NLRP14: variants seen among roughly 807,000 people sequenced by gnomAD.
NLRP14 encodes NLR family pyrin domain containing 14.
In NLRP14, 105 loss-of-function variants were observed where a neutral mutation model predicts 94.7. The ratio of observed to expected loss-of-function variants is 1.11; its 90% CI spans 0.95 to 1.30. NLRP14 has a LOEUF of 1.30. NLRP14 is among the 50% of genes most tolerant of loss of function. The probability of loss-of-function intolerance (pLI) is 0.00; values close to 1 mark genes in which losing one functional copy is unlikely to be tolerated. For missense variants in NLRP14, 1,362 were observed against 1,254.1 expected (o/e 1.09, Z -1.30); for synonymous variants, 508 against 459.9 (o/e 1.10, Z -1.34).
In NLRP14 at chr11:7,043,877, A is replaced by G. The variant is rs530254505; in HGVS notation, c.1851A>G (p.Val617=). 1 of 1,614,188 alleles carries G rather than the reference A, an allele frequency of 6.2e-7. No individual in the cohort carries two copies. The highest frequency in any genetic ancestry group is 1.7e-5 in the Admixed American group (1 of 60,026). ...TTTGTGAGAAAATACATTTGCTTGT[A>G]TCTTCTTTCTGCCTTAAGCACTGCC... The part of the protein sequence containing the change: ...INICEKIHLL[V]SSFCLKHCRC... Residue 617 remains valine, a synonymous_variant, in exon 4 of 12, where the codon GTA becomes GTG. Transcript: ENST00000299481.
intron 4 of NLRP14, among the ~76,000 whole-genome samples, chr11:7,046,391 C>A (rs1209018674): frequency 6.6e-6 from 1 of 152,010 alleles, no homozygotes; most frequent in Non-Finnish European, 1.5e-5. Flanking sequence ...TCTCTCTTAT[C>A]CCTCCTGAGT....
In NLRP14 at chr11:7,037,269, TAAAC is replaced by T. The variant is rs562161800; in HGVS notation, c.-21-1290_-21-1287del. On this transcript the variant is annotated intron_variant, in intron 1 of 11. Transcript: ENST00000299481. ...ATCTAGAATATTTTTACCATGTAGT[TAAAC>T]AAACAACCTTAAAACAGCTGATAGC... is the stretch of plus-strand genomic sequence containing the variant. Among the ~76,000 whole-genome samples the T allele has an allele frequency of 2.6e-3, 402 of 152,344 alleles. 1 individual carries two copies. The highest frequency in any genetic ancestry group is 0.015 in the South Asian group (73 of 4,826).
At chr11:7,088,922 T>G in the NLRP14 span, 1 of 624,360 alleles carries the variant, frequency 1.6e-6, no homozygotes, top group South Asian at 2.0e-5. Context: ...GACGGCGAAT[T>G]GGCCCTCTGG....
At chr11:7,023,592 A>C (rs1416062900) in intron 1 of NLRP14, among the ~76,000 whole-genome samples, 2 of 149,806 alleles carry the variant, frequency 1.3e-5, no homozygotes, top group Non-Finnish European at 3.0e-5. Flanking sequence ...GCTAAAGTGC[A>C]GAGAAGAAAG....
chr11:7,064,962 C>A (rs1852683181), intron 10 of NLRP14, among the ~76,000 whole-genome samples: 1 of 151,800 alleles, frequency 6.6e-6, no homozygotes, highest in Non-Finnish European at 1.5e-5. Flanking sequence ...TTTGTAATTC[C>A]CAGTTCTAAC....
chr11:7,032,159 A>G (rs1026289469), intron 1 of NLRP14, among the ~76,000 whole-genome samples: 1 of 152,216 alleles, frequency 6.6e-6, no homozygotes, highest in Non-Finnish European at 1.5e-5. Flanking sequence ...GATAATTGTC[A>G]AAAATTGTCC....
Position 7,023,566 on chromosome 11 carries a change from A to G in NLRP14, c.-22+2796A>G, listed in dbSNP as rs557134537. Among the ~76,000 whole-genome samples, 5 of 147,936 alleles carry G rather than the reference A, an allele frequency of 3.4e-5. No individual in the cohort carries two copies. In the South Asian group the frequency reaches 1.0e-3, roughly 31 times the overall value. Reference sequence around the variant, plus strand: ...ATTAATATATTTTATTTATATTTATATATAAAAATCTCCAAGCTAAAGTGC... The same window carrying G: ...ATTAATATATTTTATTTATATTTATGTATAAAAATCTCCAAGCTAAAGTGC... On this transcript the variant is annotated intron_variant, in intron 1 of 11. Transcript: ENST00000299481.
At position 7,042,399 on chromosome 11, in the gene NLRP14, G is replaced by C. The variant is rs754647205; in HGVS notation, c.373G>C (p.Glu125Gln). 6.2e-7 allele frequency: 1 copy of C among 1,613,594 alleles called. No homozygotes were observed. The highest frequency in any genetic ancestry group is 2.2e-5 in the East Asian group (1 of 44,882). Residue 125 changes from glutamate to glutamine, a missense_variant, in exon 4 of 12, where the codon GAA becomes CAA. Physicochemically the swap from Glu to Gln is conservative, Grantham distance 29. Transcript: ENST00000299481. ...CCATTCTGACTTAGGTGATGGAACA[G>C]AATACAGAAATAGAATAAAGGAAAA... ...DQEAVLGDGT[E>Q]YRNRIKEKFC...
At chr11:7,057,013 A>G (rs1181800909) in intron 6 of NLRP14, among the ~76,000 whole-genome samples, 3 of 151,918 alleles carry the variant, frequency 2.0e-5, no homozygotes, top group Non-Finnish European at 4.4e-5. Context: ...ATAAAGGAAT[A>G]CCCAGAGAAA....
chr11:7,035,424 A>G (rs1358878209), intron 1 of NLRP14, among the ~76,000 whole-genome samples: 1 of 152,220 alleles, frequency 6.6e-6, no homozygotes, highest in Non-Finnish European at 1.5e-5. Flanking sequence ...GGCAATATCT[A>G]GAGACATTTT....
intron 5 of NLRP14, among the ~76,000 whole-genome samples, chr11:7,048,373 C>T (rs1008235052): frequency 6.6e-6 from 1 of 152,194 alleles, no homozygotes; most frequent in Non-Finnish European, 1.5e-5. Context: ...AAGGACTCCA[C>T]TAGGAGCTGA....
At chr11:7,070,517 C>A in intron 11 of NLRP14, 61 bp downstream of exon 11, 1 of 1,163,082 alleles carries the variant, frequency 8.6e-7, no homozygotes, top group Non-Finnish European at 1.3e-6. Context: ...TGGGGAGCCA[C>A]TCATTAATAC....
downstream of NLRP14, among the ~76,000 whole-genome samples, chr11:7,072,632 C>T (rs1852818699): frequency 6.6e-6 from 1 of 152,044 alleles, no homozygotes; most frequent in Non-Finnish European, 1.5e-5. Context: ...GTGAGAGGCC[C>T]CGTGCACGGT....
downstream of NLRP14, among the ~76,000 whole-genome samples, chr11:7,073,103 G>C (rs116216785): frequency 4.7e-3 from 709 of 152,216 alleles, 7 homozygotes; most frequent in African/African-American, 0.016. Flanking sequence ...CTGCAGTGTG[G>C]GGATTCAGGA....
At chr11:7,028,931 A>T (rs1852053291) in intron 1 of NLRP14, among the ~76,000 whole-genome samples, 1 of 152,138 alleles carries the variant, frequency 6.6e-6, no homozygotes, top group Non-Finnish European at 1.5e-5. Context: ...CTAAATAAAT[A>T]AGTAAAATTA....
intron 1 of NLRP14, among the ~76,000 whole-genome samples, chr11:7,031,013 G>T (rs76251971): frequency 0.035 from 5,314 of 152,290 alleles, 144 homozygotes; most frequent in East Asian, 0.13. Context: ...AGATTCGCTA[G>T]GTCAGGCGGT....
chr11:7,069,099 G>A (rs747132535), intron 10 of NLRP14, among the ~76,000 whole-genome samples: 13 of 152,094 alleles, frequency 8.5e-5, no homozygotes, highest in African/African-American at 1.9e-4. Flanking sequence ...AGTTCTGTTC[G>A]TTTCTGTCTT....
chr11:7,053,146 T>A (rs1454893799), intron 6 of NLRP14, among the ~76,000 whole-genome samples: 1 of 152,170 alleles, frequency 6.6e-6, no homozygotes, highest in African/African-American at 2.4e-5. Context: ...AATTGTGTGG[T>A]AAGACTGTAA....
In NLRP14 at chr11:7,071,345, T is replaced by C. The variant is rs1464213857; in HGVS notation, c.*37T>C. ...TGACATTCCTTTAAAAATATAAATATAAATACATACATACATAGATATATA... is the reference window on the plus strand; with the variant it reads ...TGACATTCCTTTAAAAATATAAATACAAATACATACATACATAGATATATA... On this transcript the variant is annotated 3_prime_UTR_variant, in exon 12 of 12. Transcript: ENST00000299481. 7.8e-6 allele frequency: 12 copies of C among 1,547,232 alleles called. No homozygotes were observed. The highest frequency in any genetic ancestry group is 1.1e-5 in the Non-Finnish European group (12 of 1,128,046).
Sources: allele counts gnomAD v4.1 joint callset (sites outside exome capture counted in the v4.1 genomes callset), GRCh38; gene constraint gnomAD v4.1.1; transcripts MANE v1.5; gene names NCBI Gene and HGNC (gene_info 2026-07-23, HGNC 2026-07-21).